Variants in KPNA7 observed in about 807,000 individuals in gnomAD.
KPNA7 encodes the protein importin subunit alpha-8.
Under a neutral mutation model 53.7 loss-of-function variants are expected in KPNA7, and 54 were observed. That is an observed-to-expected ratio of 1.01 (90% CI 0.81 to 1.26). The LOEUF (loss-of-function observed/expected upper bound fraction) is 1.26. Ranked by LOEUF, KPNA7 falls within the 50% of genes most tolerant of loss-of-function variation. The pLI, the probability that KPNA7 is intolerant of heterozygous loss-of-function variation, is 0.00. For missense variants in KPNA7, 640 were observed against 644.5 expected, an observed-to-expected ratio of 0.99 and a Z score of 0.07; for synonymous variants, 276 against 259.3, an observed-to-expected ratio of 1.06 and a Z score of -0.62.
At chr7:99,189,082 G>A (rs1039922004) in intron 6 of KPNA7, among the ~76,000 whole-genome samples, 1 of 152,170 alleles carries the variant, frequency 6.6e-6, no homozygotes, top group Non-Finnish European at 1.5e-5. Flanking sequence ...ATGTTAGATG[G>A]AGGTTTCCTT....
chr7:99,148,635 A>C, the KPNA7 span, among the ~76,000 whole-genome samples: 1 of 152,196 alleles, frequency 6.6e-6, no homozygotes, highest in Non-Finnish European at 1.5e-5. Context: ...TCTGTCACCC[A>C]GGCTGGAAGG....
chr7:99,209,155 A>C (rs1310992678), upstream of KPNA7, among the ~76,000 whole-genome samples: 1 of 151,988 alleles, frequency 6.6e-6, no homozygotes, highest in Non-Finnish European at 1.5e-5. Flanking sequence ...CCGTCTCAAA[A>C]AGAAAAAGAA....
At chr7:99,163,963 G>A in the KPNA7 span, among the ~76,000 whole-genome samples, 1 of 152,018 alleles carries the variant, frequency 6.6e-6, no homozygotes, top group East Asian at 1.9e-4. Context: ...AGTTAGAATG[G>A]TGATCATTAA....
At chr7:99,182,600 G>T (rs1249193296) in intron 8 of KPNA7, among the ~76,000 whole-genome samples, 2 of 152,030 alleles carry the variant, frequency 1.3e-5, no homozygotes, top group African/African-American at 2.4e-5. Context: ...CTCCCAAAGT[G>T]TTGGGATTAT....
At chr7:99,189,784 G>T (rs1789840318) in intron 6 of KPNA7, among the ~76,000 whole-genome samples, 1 of 152,022 alleles carries the variant, frequency 6.6e-6, no homozygotes, top group African/African-American at 2.4e-5. Context: ...GTAGAGGAAA[G>T]TCTTGCTATG....
At chr7:99,156,432 C>A in the KPNA7 span, among the ~76,000 whole-genome samples, 1 of 151,970 alleles carries the variant, frequency 6.6e-6, no homozygotes, top group Non-Finnish European at 1.5e-5. Context: ...GAAATTTCAC[C>A]GCATTGAATC....
chr7:99,172,057 G>T (rs1001804879), downstream of KPNA7, among the ~76,000 whole-genome samples: 1 of 151,886 alleles, frequency 6.6e-6, no homozygotes, highest in Non-Finnish European at 1.5e-5. Flanking sequence ...GTGAAGATGT[G>T]GATTAATACT....
chr7:99,192,984 T>TA (rs66966638), intron 6 of KPNA7, 35 bp downstream of exon 6: 59,229 of 1,062,972 alleles, frequency 0.056, 136 homozygotes, highest in African/African-American at 0.099. Flanking sequence ...AATTTTAATT[T>TA]AAAAAAAAAA....
downstream of KPNA7, among the ~76,000 whole-genome samples, chr7:99,171,234 AAAAT>A (rs1480076648): frequency 6.6e-6 from 1 of 152,188 alleles, no homozygotes; most frequent in East Asian, 1.9e-4. Flanking sequence ...ATAAAAATAA[AAAAT>A]AAAGTACATG....
the KPNA7 span, among the ~76,000 whole-genome samples, chr7:99,152,058 C>T: frequency 3.9e-5 from 6 of 152,208 alleles, no homozygotes; most frequent in South Asian, 1.2e-3. Context: ...GTGGCACACG[C>T]CTGTAGTCCC....
At chr7:99,212,279 T>C (rs1335109175), upstream of KPNA7, among the ~76,000 whole-genome samples, 1 of 147,630 alleles carries the variant, frequency 6.8e-6, no homozygotes, top group Non-Finnish European at 1.5e-5. Flanking sequence ...AGTTTCATTC[T>C]TGTAGCCCAG....
the KPNA7 span, among the ~76,000 whole-genome samples, chr7:99,160,026 T>TTTG: frequency 1.3e-3 from 146 of 115,160 alleles, no homozygotes; most frequent in East Asian, 4.0e-3. Flanking sequence ...TGTTTTTTTT[T>TTTG]TTTTTTTTTT....
chr7:99,169,593 G>T (rs573359558), downstream of KPNA7, among the ~76,000 whole-genome samples: 1 of 152,136 alleles, frequency 6.6e-6, no homozygotes, highest in South Asian at 2.1e-4. Flanking sequence ...CTCCAGCCTG[G>T]GCGACAGAGC....
intron 7 of KPNA7, 27 bp from the exon 8 acceptor site, chr7:99,185,189 G>T: frequency 6.8e-7 from 1 of 1,477,276 alleles, no homozygotes. Flanking sequence ...AGAAGTCTAA[G>T]TATTTCAAGT....
chr7:99,189,871 C>CATA (rs1193348147), intron 6 of KPNA7, among the ~76,000 whole-genome samples: 1 of 151,914 alleles, frequency 6.6e-6, no homozygotes, highest in Non-Finnish European at 1.5e-5. Flanking sequence ...GGATTACAGA[C>CATA]ATAAGCGCCT....
At chr7:99,162,410 T>C in the KPNA7 span, among the ~76,000 whole-genome samples, 299 of 152,256 alleles carry the variant, frequency 2.0e-3, 1 homozygote, top group African/African-American at 7.0e-3. Context: ...GTTGTTCCAG[T>C]TCAGTGTTCA....
chr7:99,191,605 G>A (rs763070170), intron 6 of KPNA7, among the ~76,000 whole-genome samples: 2 of 151,924 alleles, frequency 1.3e-5, no homozygotes, highest in Admixed American at 6.6e-5. Context: ...AAACTCTCTC[G>A]GTCATGGCTA....
the KPNA7 span, among the ~76,000 whole-genome samples, chr7:99,156,060 G>A: frequency 9.9e-4 from 151 of 151,960 alleles, 1 homozygote; most frequent in Non-Finnish European, 4.0e-4. Context: ...TTCTCATCTC[G>A]GGATTGTTTT....
At chr7:99,207,342 C>T (rs1256282902) in intron 2 of KPNA7, 59 bp downstream of exon 2, 29 of 1,464,708 alleles carry the variant, frequency 2.0e-5, no homozygotes, top group African/African-American at 7.0e-5. Context: ...CTCTTCACCC[C>T]GCTTTTTATG....
Sources: allele counts gnomAD v4.1 joint callset (sites outside exome capture counted in the v4.1 genomes callset), GRCh38; gene constraint gnomAD v4.1.1; transcripts MANE v1.5; gene names NCBI Gene and HGNC (gene_info 2026-07-23, HGNC 2026-07-21).